ENTREP2: variants seen among roughly 807,000 people sequenced by gnomAD.
ENTREP2 encodes protein ENTREP2.
chr15:29,253,458 T>A, the ENTREP2 span, among the ~76,000 whole-genome samples: 1 of 151,494 alleles, frequency 6.6e-6, no homozygotes, highest in Non-Finnish European at 1.5e-5. Flanking sequence ...CTCTCTTTTT[T>A]TTTTTTTTGT....
chr15:29,597,294 C>T, the ENTREP2 span, among the ~76,000 whole-genome samples: 384 of 152,112 alleles, frequency 2.5e-3, 2 homozygotes, highest in African/African-American at 8.6e-3. Flanking sequence ...TAGAGTCAGG[C>T]GCGGTGGCTC....
the ENTREP2 span, among the ~76,000 whole-genome samples, chr15:29,633,314 G>A: frequency 2.6e-5 from 4 of 152,182 alleles, no homozygotes; most frequent in African/African-American, 9.7e-5. Context: ...CAGGGAGAGG[G>A]AGGGGTTGGA....
the ENTREP2 span, among the ~76,000 whole-genome samples, chr15:29,139,600 T>G: frequency 7.9e-5 from 12 of 152,186 alleles, no homozygotes; most frequent in African/African-American, 2.9e-4. Context: ...GAACAAGCAT[T>G]TGAGGAGGGG....
At chr15:29,671,797 C>T in the ENTREP2 span, among the ~76,000 whole-genome samples, 1 of 152,134 alleles carries the variant, frequency 6.6e-6, no homozygotes, top group Non-Finnish European at 1.5e-5. Context: ...ACAGGTGATC[C>T]CAGCGATTCT....
chr15:29,434,259 C>T, the ENTREP2 span, among the ~76,000 whole-genome samples: 2 of 152,198 alleles, frequency 1.3e-5, no homozygotes, highest in South Asian at 4.1e-4. Flanking sequence ...TTCATTGCCT[C>T]TGCTTTGGAA....
the ENTREP2 span, among the ~76,000 whole-genome samples, chr15:29,118,848 G>T: frequency 6.6e-6 from 1 of 152,336 alleles, no homozygotes; most frequent in South Asian, 2.1e-4. Context: ...CCTGGTGTGG[G>T]AAAGCCAGGT....
At chr15:29,669,392 C>A in the ENTREP2 span, among the ~76,000 whole-genome samples, 2 of 152,138 alleles carry the variant, frequency 1.3e-5, no homozygotes, top group African/African-American at 2.4e-5. Context: ...GTTCAGCCCC[C>A]TCGCCATGTG....
At chr15:29,244,777 G>A in the ENTREP2 span, among the ~76,000 whole-genome samples, 2 of 152,210 alleles carry the variant, frequency 1.3e-5, no homozygotes, top group African/African-American at 2.4e-5. Flanking sequence ...CCAGTGATGT[G>A]AAGATGCTGT....
the ENTREP2 span, among the ~76,000 whole-genome samples, chr15:29,283,508 C>T: frequency 1.3e-5 from 2 of 152,190 alleles, no homozygotes; most frequent in Non-Finnish European, 2.9e-5. Context: ...GCCATCATGC[C>T]TGGCCCCATC....
At chr15:29,671,326 A>T in the ENTREP2 span, among the ~76,000 whole-genome samples, 1 of 152,114 alleles carries the variant, frequency 6.6e-6, no homozygotes, top group South Asian at 2.1e-4. Flanking sequence ...TGTTCTAGCC[A>T]ATTATTGACC....
the ENTREP2 span, among the ~76,000 whole-genome samples, chr15:29,315,704 T>C: frequency 6.6e-6 from 1 of 152,146 alleles, no homozygotes; most frequent in Admixed American, 6.6e-5. Flanking sequence ...AGGGAAAAAC[T>C]GATGAACTTA....
At chr15:29,284,594 T>A in the ENTREP2 span, among the ~76,000 whole-genome samples, 1 of 150,502 alleles carries the variant, frequency 6.6e-6, no homozygotes, top group South Asian at 2.1e-4. Flanking sequence ...ATAACCAGTC[T>A]AATATCACAT....
the ENTREP2 span, among the ~76,000 whole-genome samples, chr15:29,442,830 C>A: frequency 6.6e-6 from 1 of 152,238 alleles, no homozygotes; most frequent in Non-Finnish European, 1.5e-5. Flanking sequence ...GCACTGCTCA[C>A]TATCCATACT....
At chr15:29,539,808 G>A in the ENTREP2 span, among the ~76,000 whole-genome samples, 12 of 152,296 alleles carry the variant, frequency 7.9e-5, no homozygotes, top group Admixed American at 1.3e-4. Flanking sequence ...CCCACATCCT[G>A]CCCAGAGCAG....
chr15:29,657,485 G>GGGCGGT, the ENTREP2 span, among the ~76,000 whole-genome samples: 4 of 36,378 alleles, frequency 1.1e-4, no homozygotes, highest in African/African-American at 3.2e-4. Flanking sequence ...TGGGGGGGCG[G>GGGCGGT]GGGGGGGGGG....
At chr15:29,348,451 T>A in the ENTREP2 span, among the ~76,000 whole-genome samples, 1 of 151,938 alleles carries the variant, frequency 6.6e-6, no homozygotes, top group African/African-American at 2.4e-5. Flanking sequence ...CAGGGAGCAG[T>A]GTGGAGGCGT....
At chr15:29,346,263 A>C in the ENTREP2 span, among the ~76,000 whole-genome samples, 1 of 152,182 alleles carries the variant, frequency 6.6e-6, no homozygotes, top group Non-Finnish European at 1.5e-5. Context: ...GCATGTCACC[A>C]ATTACTGGGG....
chr15:29,371,481 T>C, the ENTREP2 span, among the ~76,000 whole-genome samples: 15 of 151,840 alleles, frequency 9.9e-5, no homozygotes, highest in African/African-American at 3.6e-4. Context: ...GGCCTGATAT[T>C]GAGTGGGAAA....
At chr15:29,238,041 T>C in the ENTREP2 span, among the ~76,000 whole-genome samples, 2 of 152,156 alleles carry the variant, frequency 1.3e-5, no homozygotes, top group African/African-American at 4.8e-5. Context: ...GAAGTACTGA[T>C]ACATGCTGCA....
Sources: allele counts gnomAD v4.1 joint callset (sites outside exome capture counted in the v4.1 genomes callset), GRCh38; gene constraint gnomAD v4.1.1; transcripts MANE v1.5; gene names NCBI Gene and HGNC (gene_info 2026-07-23, HGNC 2026-07-21).